The following SLC36A1 variants were observed in gnomAD, a reference collection of about 807,000 sequenced individuals.
The protein encoded by SLC36A1 is solute carrier family 36 member 1.
SLC36A1 carries 30 observed loss-of-function variants against 47.5 expected under a neutral mutation model. That is an observed-to-expected ratio of 0.63 (90% CI 0.47 to 0.86). The LOEUF is 0.86. SLC36A1 is among the 40% of genes least tolerant of loss of function. The probability of loss-of-function intolerance (pLI) is 0.00; values close to 1 mark genes in which losing one functional copy is unlikely to be tolerated. For missense variants in SLC36A1, 517 were observed against 606.0 expected (o/e 0.85, Z 1.54); for synonymous variants, 255 against 249.7 (o/e 1.02, Z -0.20).
At chr5:151,521,802 G>T in the SLC36A1 span, 1 of 1,614,216 alleles carries the variant, frequency 6.2e-7, no homozygotes, top group Non-Finnish European at 8.5e-7. Flanking sequence ...TGAACGAGTA[G>T]TGGCCACGAG....
chr5:151,467,196 C>T lies in SLC36A1; in HGVS notation c.420-3C>T. On this transcript the variant is annotated splice_polypyrimidine_tract_variant and splice_region_variant and intron_variant, in intron 5 of 10. Transcript: ENST00000243389. Reference sequence around the variant, plus strand: ...TTTGTATTCCTTCCTTCCCCACCTCCAGACGTGTTGTGGACTTCTTCCTGA... The same window carrying T: ...TTTGTATTCCTTCCTTCCCCACCTCTAGACGTGTTGTGGACTTCTTCCTGA... 9 of 1,607,092 alleles carry T rather than the reference C, an allele frequency of 5.6e-6. No homozygotes were observed. Among genetic ancestry groups the T allele is most frequent in the South Asian group, 5.5e-5 (5 of 90,112 alleles).
At chr5:151,380,979 A>G in the SLC36A1 span, 1 of 390,744 alleles carries the variant, frequency 2.6e-6, no homozygotes, top group South Asian at 2.1e-5. Flanking sequence ...AGATCCCTCC[A>G]ACCCTATAAC....
At chr5:151,455,341 A>T (rs1754333759) in intron 1 of SLC36A1, among the ~76,000 whole-genome samples, 1 of 150,766 alleles carries the variant, frequency 6.6e-6, no homozygotes, top group African/African-American at 2.4e-5. Flanking sequence ...CCCAAGCAGA[A>T]TTTTTTTTTT....
At chr5:151,537,338 GAAAAGAAAA>G in the SLC36A1 span, among the ~76,000 whole-genome samples, 1 of 100,028 alleles carries the variant, frequency 1.0e-5, no homozygotes, top group East Asian at 3.4e-4. Context: ...AGAAAGAAAA[GAAAAGAAAA>G]GAAAAAAGAA....
At chr5:151,532,322 T>C in the SLC36A1 span, among the ~76,000 whole-genome samples, 2 of 152,158 alleles carry the variant, frequency 1.3e-5, no homozygotes, top group Non-Finnish European at 2.9e-5. Flanking sequence ...TGTATCTTGA[T>C]TGTGGTGTTG....
the SLC36A1 span, chr5:151,512,077 C>T: frequency 7.8e-7 from 1 of 1,287,076 alleles, no homozygotes; most frequent in South Asian, 1.5e-5. This position sits in a 1 kb window ranked among gnomAD's most constrained non-coding sequence, Gnocchi z 4.1. Context: ...AACCAGGAGG[C>T]TCTGAGATCT....
At chr5:151,455,324 C>A (rs1394001410) in intron 1 of SLC36A1, among the ~76,000 whole-genome samples, 1 of 150,758 alleles carries the variant, frequency 6.6e-6, no homozygotes, top group Non-Finnish European at 1.5e-5. Context: ...TATCATCAAC[C>A]AGAACTCCCA....
At chr5:151,416,972 A>G in the SLC36A1 span, among the ~76,000 whole-genome samples, 40,452 of 152,010 alleles carry the variant, frequency 0.27, 6,526 homozygotes, top group East Asian at 0.55. Flanking sequence ...TCTCCTGCCT[A>G]CCACCTTGTG....
the SLC36A1 span, among the ~76,000 whole-genome samples, chr5:151,388,221 G>A: frequency 1.3e-5 from 2 of 152,122 alleles, no homozygotes; most frequent in Non-Finnish European, 2.9e-5. Flanking sequence ...TAAGAACCTT[G>A]GTCTTGGCGG....
Position 151,458,895 on chromosome 5 carries a change from C to A in SLC36A1, c.103C>A (p.Pro35Thr), listed in dbSNP as rs759964143. ...PSEGLNNLSS[P>T]GSYQRFGQSN... is the part of the protein sequence containing the mutation. ...GGAAGGCCTCAACAACCTCTCCTCC[C>A]CGGGCTCCTACCAGCGCTTTGGTCA... The change falls in exon 2 of 11, where the codon CCG (proline) becomes ACG (threonine). Residue 35 changes from proline to threonine, a missense_variant. Pro to Thr is a conservative substitution (Grantham distance 38). Transcript: ENST00000243389. 1.2e-6 allele frequency: 2 copies of A among 1,613,960 alleles called. No individual in the cohort carries two copies. The highest frequency in any genetic ancestry group is 8.5e-7 in the Non-Finnish European group (1 of 1,179,968).
At chr5:151,399,084 A>ATATATATTTTTTTTTTT in the SLC36A1 span, among the ~76,000 whole-genome samples, 5 of 60,070 alleles carry the variant, frequency 8.3e-5, no homozygotes, top group Admixed American at 2.3e-4. Context: ...ATATATATAT[A>ATATATATTTTTTTTTTT]TTTTTTTTTT....
chr5:151,550,162 TA>T, the SLC36A1 span, among the ~76,000 whole-genome samples: 1 of 152,140 alleles, frequency 6.6e-6, no homozygotes, highest in African/African-American at 2.4e-5. Context: ...CTTGGGGTCA[TA>T]AAAATGCAGG....
intron 1 of SLC36A1, among the ~76,000 whole-genome samples, chr5:151,442,446 A>C (rs1752682345): frequency 6.6e-6 from 1 of 152,252 alleles, no homozygotes; most frequent in East Asian, 1.9e-4. Flanking sequence ...TACAGCGATT[A>C]CATCAGGGTA....
the SLC36A1 span, among the ~76,000 whole-genome samples, chr5:151,421,288 C>G: frequency 6.7e-6 from 1 of 149,706 alleles, no homozygotes; most frequent in Non-Finnish European, 1.5e-5. Flanking sequence ...GTTGCCCAGG[C>G]TGGAGTGTGG....
chr5:151,463,474 G>T (rs1463907336), intron 2 of SLC36A1, 79 bp from the exon 3 acceptor site: 51 of 1,011,586 alleles, frequency 5.0e-5, no homozygotes, highest in Non-Finnish European at 7.4e-5. Context: ...AATAAAATAA[G>T]ATAATGCATA....
chr5:151,347,397 A>G, the SLC36A1 span: 1 of 1,614,232 alleles, frequency 6.2e-7, no homozygotes, highest in African/African-American at 1.3e-5. Flanking sequence ...TCAGGAGGCG[A>G]CATAAGGTCC....
the SLC36A1 span, among the ~76,000 whole-genome samples, chr5:151,429,008 AG>A: frequency 6.6e-6 from 1 of 152,276 alleles, no homozygotes; most frequent in Non-Finnish European, 1.5e-5. Flanking sequence ...TCTCTGGAAT[AG>A]GCAGAAAATC....
the SLC36A1 span, among the ~76,000 whole-genome samples, chr5:151,528,366 G>A: frequency 1.2e-4 from 18 of 152,308 alleles, no homozygotes; most frequent in East Asian, 5.8e-4. Context: ...GCTAGGCCCT[G>A]TCCTAGAATG....
At chr5:151,380,961 G>T in the SLC36A1 span, 2 of 395,064 alleles carry the variant, frequency 5.1e-6, no homozygotes, top group South Asian at 4.1e-5. Context: ...TTGGTTGTGT[G>T]ACAGGCCAGA....
Sources: gnomAD v4.1 joint callset for allele counts (sites outside exome capture counted in the v4.1 genomes callset) on GRCh38, gnomAD v4.1.1 for gene constraint, Gnocchi (gnomAD v3.1) non-coding constraint, MANE v1.5 for transcripts, NCBI Gene and HGNC (gene_info 2026-07-23, HGNC 2026-07-21) for gene names.